The following DLC1 variants were observed in gnomAD, a reference collection of about 807,000 sequenced individuals.
DLC1 encodes DLC1 Rho GTPase activating protein.
Under a neutral mutation model 140.3 loss-of-function variants are expected in DLC1, and 54 were observed. That is an observed-to-expected ratio of 0.38 (90% CI 0.31 to 0.48). The LOEUF (loss-of-function observed/expected upper bound fraction) is 0.48, where lower values mean the gene tolerates loss of function less well. Ranked by LOEUF, DLC1 falls within the 20% of genes least tolerant of loss-of-function variation. The pLI is 0.96. For synonymous variants in DLC1, 986 were observed against 728.1 expected (o/e 1.35, Z -5.70); for missense variants, 2,536 against 1,907.0 (o/e 1.33, Z -6.14).
intron 5 of DLC1, among the ~76,000 whole-genome samples, chr8:13,263,549 G>A (rs182997374): frequency 2.5e-4 from 37 of 150,220 alleles, no homozygotes; most frequent in East Asian, 9.7e-4. Context: ...AAAACTATTC[G>A]TCATATATTT....
intron 2 of DLC1, among the ~76,000 whole-genome samples, chr8:13,407,564 AG>A (rs1207419540): frequency 3.9e-5 from 6 of 152,208 alleles, no homozygotes; most frequent in African/African-American, 1.4e-4. Flanking sequence ...AGAACCAAAA[AG>A]TTTAGTAAAA....
In DLC1 at chr8:13,514,759, A is replaced by G. The variant is rs1045792225; in HGVS notation, c.-283T>C. ...GCAGTTTCACGCAGTGTGTGAGTCTAACAAAAACACCCTCTGCAGCTGGAG... is the reference window on the plus strand; with the variant it reads ...GCAGTTTCACGCAGTGTGTGAGTCTGACAAAAACACCCTCTGCAGCTGGAG... On this transcript the variant is annotated 5_prime_UTR_variant, in exon 1 of 18. Coordinates refer to ENST00000276297, the MANE Select transcript of DLC1 (RefSeq NM_182643.3). 2.0e-5 allele frequency: 8 copies of G among 397,622 alleles called. No homozygotes were observed. The highest frequency in any genetic ancestry group is 3.5e-5 in the Non-Finnish European group (8 of 225,554). The allele number at this position is 397,622 out of a possible 1,614,324, so 24.6% of individuals were successfully genotyped here. A position where few individuals can be genotyped will look rare whatever the true frequency, so the allele number is the denominator to read the frequency against.
chr8:13,312,386 A>AAAAAAAAAAAAAAAATAATAAT (rs71207139), intron 4 of DLC1, among the ~76,000 whole-genome samples: 11 of 81,704 alleles, frequency 1.3e-4, no homozygotes, highest in East Asian at 2.6e-4. Context: ...AAAAAAAAAA[A>AAAAAAAAAAAAAAAATAATAAT]AATAATTTCT....
intron 5 of DLC1, among the ~76,000 whole-genome samples, chr8:13,261,058 G>A (rs138724351): frequency 6.6e-6 from 1 of 152,312 alleles, no homozygotes; most frequent in East Asian, 1.9e-4. Flanking sequence ...CTAAGCACTA[G>A]GAATATGAAG....
At chr8:13,441,417 C>T (rs1309384604) in intron 2 of DLC1, among the ~76,000 whole-genome samples, 2 of 152,178 alleles carry the variant, frequency 1.3e-5, no homozygotes, top group East Asian at 1.9e-4. Flanking sequence ...GGAAGTCAAA[C>T]TGTCCCTGTT....
intron 1 of DLC1, among the ~76,000 whole-genome samples, chr8:13,543,012 G>C (rs1227607603): frequency 6.6e-6 from 1 of 151,934 alleles, no homozygotes; most frequent in Non-Finnish European, 1.5e-5. Context: ...AAATCACATT[G>C]ATTTATTTTC....
intron 4 of DLC1, among the ~76,000 whole-genome samples, chr8:13,311,229 A>G (rs1012747875): frequency 1.3e-5 from 2 of 152,176 alleles, no homozygotes; most frequent in African/African-American, 4.8e-5. Context: ...TGACTTGCCC[A>G]TTACTACAGG....
intron 5 of DLC1, among the ~76,000 whole-genome samples, chr8:13,219,381 T>TCCATTTC (rs1554473512): frequency 1.1e-4 from 14 of 126,920 alleles, no homozygotes; most frequent in African/African-American, 2.6e-4. Flanking sequence ...CTTATATAAT[T>TCCATTTC]ATATTTCATA....
At chr8:13,191,519 C>T (rs550087080) in intron 5 of DLC1, among the ~76,000 whole-genome samples, 7 of 152,284 alleles carry the variant, frequency 4.6e-5, no homozygotes, top group Admixed American at 2.6e-4. Context: ...AAACCCTTAA[C>T]GACCAGAACA....
chr8:13,090,634 G>C (rs544740589), intron 14 of DLC1, among the ~76,000 whole-genome samples, 164 bp from the exon 15 acceptor site: 1 of 152,132 alleles, frequency 6.6e-6, no homozygotes. Flanking sequence ...GTGTTATCAC[G>C]AGGATATGAA....
chr8:13,440,076 T>C (rs917513816), intron 2 of DLC1, among the ~76,000 whole-genome samples: 2 of 152,202 alleles, frequency 1.3e-5, no homozygotes, highest in African/African-American at 4.8e-5. Context: ...CAAATACATT[T>C]GGGAAATACT....
At chr8:13,231,543 T>C (rs988494054) in intron 5 of DLC1, among the ~76,000 whole-genome samples, 1 of 152,242 alleles carries the variant, frequency 6.6e-6, no homozygotes, top group Non-Finnish European at 1.5e-5. Flanking sequence ...AGAAAACTTA[T>C]AGAAGACAGA....
At chr8:13,578,876 G>C (rs1371724478) in intron 1 of DLC1, among the ~76,000 whole-genome samples, 1 of 151,990 alleles carries the variant, frequency 6.6e-6, no homozygotes, top group Non-Finnish European at 1.5e-5. Flanking sequence ...GCATGATTAA[G>C]TAAATCTATG....
intron 2 of DLC1, among the ~76,000 whole-genome samples, chr8:13,405,312 T>G (rs13280422): frequency 0.2 from 31,001 of 151,688 alleles, 3,324 homozygotes; most frequent in Middle Eastern, 0.3. Flanking sequence ...CTCCCCTCTG[T>G]GGTCCTCAGT....
chr8:13,364,987 T>C (rs1323200106), intron 4 of DLC1, among the ~76,000 whole-genome samples: 1 of 152,214 alleles, frequency 6.6e-6, no homozygotes, highest in Non-Finnish European at 1.5e-5. Context: ...ATGTTTGAGA[T>C]TGCATGGTAA....
At chr8:13,173,203 CCAGTGAAGGA>C (rs1407531761) in intron 5 of DLC1, among the ~76,000 whole-genome samples, 2 of 152,092 alleles carry the variant, frequency 1.3e-5, no homozygotes, top group East Asian at 3.9e-4. Flanking sequence ...TTCTTGCAAA[CCAGTGAAGGA>C]AAGTCTCCTC....
rs574849342 is a variant in DLC1, at chr8:13,385,725, T to C, written c.1314+7828A>G. On this transcript the variant is annotated intron_variant, in intron 4 of 17. Coordinates refer to ENST00000276297, the MANE Select transcript of DLC1 (RefSeq NM_182643.3). Reference sequence around the variant, plus strand: ...ATGTGATTGATTCAGCTCAAAACTATAGTCAAGAAGGCCCTCTGTGTAAAC... The same window carrying C: ...ATGTGATTGATTCAGCTCAAAACTACAGTCAAGAAGGCCCTCTGTGTAAAC... Among the ~76,000 whole-genome samples the C allele has an allele frequency of 9.5e-4, 144 of 152,340 alleles. 1 individual carries two copies. In the Middle Eastern group the frequency reaches 0.01, roughly 11 times the overall value.
At chr8:13,205,071 T>C (rs1426116357) in intron 5 of DLC1, among the ~76,000 whole-genome samples, 1 of 152,022 alleles carries the variant, frequency 6.6e-6, no homozygotes, top group East Asian at 1.9e-4. Flanking sequence ...ATAGACCAGA[T>C]GGCATTATTG....
Position 13,346,166 on chromosome 8 carries a change from A to T in DLC1, c.1315-40864T>A, listed in dbSNP as rs902739797. Among the ~76,000 whole-genome samples the T allele has an allele frequency of 5.9e-5, 9 of 152,362 alleles. No individual in the cohort carries two copies. In the South Asian group the frequency reaches 1.7e-3, roughly 28 times the overall value. On this transcript the variant is annotated intron_variant, in intron 4 of 17. Coordinates refer to ENST00000276297, the MANE Select transcript of DLC1 (RefSeq NM_182643.3). ...CTTGAGTTTTGCACTTTGGGATTAG[A>T]TAGCCTTAACCTTGGTTAATATTAT... is the stretch of plus-strand genomic sequence containing the variant.
Sources: gnomAD v4.1 joint callset for allele counts (sites outside exome capture counted in the v4.1 genomes callset) on GRCh38, gnomAD v4.1.1 for gene constraint, MANE v1.5 for transcripts, NCBI Gene and HGNC (gene_info 2026-07-23, HGNC 2026-07-21) for gene names.